TBL1XR1: variants seen among roughly 807,000 people sequenced by gnomAD.
TBL1XR1 encodes the protein F-box-like/WD repeat-containing protein TBL1XR1.
In TBL1XR1, 5 loss-of-function variants were observed where a neutral mutation model predicts 66.9. The ratio of observed to expected loss-of-function variants is 0.07; its 90% CI spans 0.04 to 0.16. The LOEUF (loss-of-function observed/expected upper bound fraction) is 0.16, where lower values mean the gene tolerates loss of function less well. Ranked by LOEUF, TBL1XR1 falls within the 10% of genes least tolerant of loss-of-function variation. The probability of loss-of-function intolerance (pLI) is 1.00; values close to 1 mark genes in which losing one functional copy is unlikely to be tolerated. For missense variants in TBL1XR1, 238 were observed against 623.2 expected (o/e 0.38, Z 6.58); for synonymous variants, 210 against 206.0 (o/e 1.02, Z -0.17).
At chr3:177,069,333 G>T (rs1719578765) in intron 2 of TBL1XR1, among the ~76,000 whole-genome samples, 1 of 152,070 alleles carries the variant, frequency 6.6e-6, no homozygotes, top group South Asian at 2.1e-4. Flanking sequence ...CAGGAAAAGG[G>T]AAAACAATAA....
intron 1 of TBL1XR1, among the ~76,000 whole-genome samples, chr3:177,141,049 G>A (rs1039753258): frequency 1.3e-5 from 2 of 151,958 alleles, no homozygotes; most frequent in Non-Finnish European, 2.9e-5. Flanking sequence ...TATTTAACTG[G>A]AAAAAGAAAA....
chr3:177,104,378 G>T (rs1724614446), intron 1 of TBL1XR1, among the ~76,000 whole-genome samples: 1 of 152,152 alleles, frequency 6.6e-6, no homozygotes, highest in South Asian at 2.1e-4. Context: ...AGGAATGTTA[G>T]TATGTTATCT....
chr3:177,063,131 CAAAA>C (rs1718732440), intron 3 of TBL1XR1, among the ~76,000 whole-genome samples: 1 of 151,846 alleles, frequency 6.6e-6, no homozygotes, highest in Non-Finnish European at 1.5e-5. Flanking sequence ...AACAAACAAA[CAAAA>C]AAACCCACAA....
intron 2 of TBL1XR1, among the ~76,000 whole-genome samples, chr3:177,087,202 G>A (rs1722242531): frequency 1.4e-5 from 2 of 143,108 alleles, no homozygotes; most frequent in Non-Finnish European, 3.0e-5. Flanking sequence ...CCATTTTGGG[G>A]TTGATTTTTA....
chr3:177,180,448 A>G (rs1009385517), intron 1 of TBL1XR1, among the ~76,000 whole-genome samples: 2 of 149,034 alleles, frequency 1.3e-5, no homozygotes, highest in Non-Finnish European at 3.0e-5. Context: ...ACTCATTTAA[A>G]TATTACTCTC....
chr3:177,039,147 G>C (rs1715220827), intron 10 of TBL1XR1, among the ~76,000 whole-genome samples: 1 of 152,038 alleles, frequency 6.6e-6, no homozygotes, highest in Non-Finnish European at 1.5e-5. Context: ...TTCATGTTCA[G>C]ACTTGGGTCC....
chr3:177,165,684 A>G (rs914779228), intron 1 of TBL1XR1, among the ~76,000 whole-genome samples: 1 of 152,220 alleles, frequency 6.6e-6, no homozygotes, highest in Non-Finnish European at 1.5e-5. Flanking sequence ...CAAAGTAACA[A>G]AGACAATACA....
chr3:177,070,995 T>C (rs1400565105), intron 2 of TBL1XR1, among the ~76,000 whole-genome samples: 3 of 151,614 alleles, frequency 2.0e-5, no homozygotes, highest in Admixed American at 1.3e-4. Context: ...ACTAACTACT[T>C]ATTCTAGCTT....
chr3:177,069,814 AAGGAAGGAAGGAAGG>A (rs1719715766), intron 2 of TBL1XR1, among the ~76,000 whole-genome samples: 1 of 133,578 alleles, frequency 7.5e-6, no homozygotes, highest in African/African-American at 2.6e-5. Flanking sequence ...GGAAGGAAGG[AAGGAAGGAAGGAAGG>A]AAGGAAGGAA....
intron 1 of TBL1XR1, among the ~76,000 whole-genome samples, chr3:177,153,259 A>C (rs534492047): frequency 6.8e-4 from 104 of 152,376 alleles, no homozygotes; most frequent in African/African-American, 2.4e-3. Context: ...AAGTAGATAG[A>C]ATTTCTCACC....
intron 1 of TBL1XR1, among the ~76,000 whole-genome samples, chr3:177,103,835 A>G (rs1181907384): frequency 1.3e-5 from 2 of 152,116 alleles, no homozygotes; most frequent in Non-Finnish European, 2.9e-5. Flanking sequence ...TGGGAAAGTC[A>G]CCCCATGAAT....
intron 4 of TBL1XR1, among the ~76,000 whole-genome samples, chr3:177,052,521 T>C (rs1010572865): frequency 6.6e-6 from 1 of 152,162 alleles, no homozygotes; most frequent in Non-Finnish European, 1.5e-5. Context: ...GTATTTTAAC[T>C]TATAAATAAT....
At chr3:177,092,499 T>A (rs1722960969) in intron 2 of TBL1XR1, among the ~76,000 whole-genome samples, 3 of 152,150 alleles carry the variant, frequency 2.0e-5, no homozygotes, top group African/African-American at 7.2e-5. Context: ...TGTATAAGTT[T>A]TGTTGATTCT....
intron 1 of TBL1XR1, among the ~76,000 whole-genome samples, chr3:177,179,418 G>T (rs945263346): frequency 6.6e-6 from 1 of 152,152 alleles, no homozygotes; most frequent in Non-Finnish European, 1.5e-5. Flanking sequence ...GCCTATTCCG[G>T]ATACAGACAC....
intron 1 of TBL1XR1, among the ~76,000 whole-genome samples, chr3:177,135,338 C>CATATATATATATAT (rs1177634107): frequency 1.8e-4 from 4 of 22,470 alleles, no homozygotes; most frequent in Admixed American, 7.3e-4. Context: ...TGTGTGTATA[C>CATATATATATATAT]ATATATATAT....
In TBL1XR1 at chr3:177,024,101, TA is replaced by T. The variant is rs759713367; in HGVS notation, c.*1396del. The T allele has an allele frequency of 0.018, 2,607 of 142,768 alleles. 68 individuals carry two copies. The highest frequency in any genetic ancestry group is 0.059 in the East Asian group (295 of 4,964). The allele number at this position is 142,768 out of a possible 1,614,324, so 8.8% of individuals were successfully genotyped here. ...AAAGACATGATATAGTAGTGATTAC[TA>T]AAAAAAAAAAAATTAGCAGCTTAAA... On this transcript the variant is annotated 3_prime_UTR_variant, in exon 16 of 16. Transcript: ENST00000457928.
At chr3:177,033,535 G>A (rs1417671444) in intron 13 of TBL1XR1, among the ~76,000 whole-genome samples, 1 of 151,636 alleles carries the variant, frequency 6.6e-6, no homozygotes, top group African/African-American at 2.4e-5. Context: ...TAAAGATACT[G>A]AAGATTTTGC....
upstream of TBL1XR1, among the ~76,000 whole-genome samples, chr3:177,199,403 A>G (rs1161888384): frequency 2.0e-5 from 3 of 151,276 alleles, no homozygotes; most frequent in African/African-American, 7.3e-5. Context: ...GAGTTGATAA[A>G]TGACGTAGAT....
rs759968645 is a variant in TBL1XR1 at position 177,019,917 on chromosome 3, A to G, written c.*5581T>C. On this transcript the variant is annotated 3_prime_UTR_variant, in exon 16 of 16. Coordinates refer to ENST00000457928, the MANE Select transcript of TBL1XR1 (RefSeq NM_024665.7). ...CTTATTTCTAATAAAACATAAAACT[A>G]TGCTTGAATTTATTTCTGTTTAAGG... The G allele has an allele frequency of 2.0e-5, 3 of 151,912 alleles. No homozygotes were observed. The highest frequency in any genetic ancestry group is 4.4e-5 in the Non-Finnish European group (3 of 67,966). 9.4% of individuals were successfully genotyped at this position (151,912 alleles called of 1,614,324 possible). A position where few individuals can be genotyped will look rare whatever the true frequency, so the allele number is the denominator to read the frequency against.
Sources: gnomAD v4.1 joint callset for allele counts (sites outside exome capture counted in the v4.1 genomes callset) on GRCh38, gnomAD v4.1.1 for gene constraint, MANE v1.5 for transcripts, NCBI Gene and HGNC (gene_info 2026-07-23, HGNC 2026-07-21) for gene names.